The following ZPBP variants were observed in gnomAD, a reference collection of about 807,000 sequenced individuals.
ZPBP encodes the protein zona pellucida-binding protein 1.
ZPBP carries 26 observed loss-of-function variants against 44.8 expected under a neutral mutation model. That is an observed-to-expected ratio of 0.58 (90% CI 0.43 to 0.81). The LOEUF is 0.81. Among genes scored for constraint, ZPBP ranks in the 30% least tolerant of loss-of-function variants. ZPBP has a pLI of 0.00. For synonymous variants in ZPBP, 174 were observed against 153.2 expected (o/e 1.14, Z -1.00); for missense variants, 409 against 434.0 (o/e 0.94, Z 0.51).
intron 7 of ZPBP, among the ~76,000 whole-genome samples, chr7:49,964,023 A>G (rs2128766123): frequency 6.6e-6 from 1 of 152,050 alleles, no homozygotes; most frequent in East Asian, 1.9e-4. Context: ...GGTTCAATGC[A>G]TATTTTAACA....
chr7:49,847,736 T>C (rs1006019544), downstream of ZPBP, among the ~76,000 whole-genome samples: 1 of 152,132 alleles, frequency 6.6e-6, no homozygotes, highest in African/African-American at 2.4e-5. Context: ...GATTGGCTAC[T>C]TGGAGTGATT....
intron 2 of ZPBP, among the ~76,000 whole-genome samples, chr7:49,850,732 T>A (rs1790142983): frequency 6.6e-6 from 1 of 152,254 alleles, no homozygotes; most frequent in African/African-American, 2.4e-5. Flanking sequence ...ATATCTCACC[T>A]GTGTGACTTT....
chr7:49,980,108 A>C (rs1279810456), intron 7 of ZPBP, among the ~76,000 whole-genome samples: 1 of 72,228 alleles, frequency 1.4e-5, no homozygotes, highest in African/African-American at 5.9e-5. Context: ...ATATAATTAT[A>C]ATATAATTTT....
chr7:49,917,950 A>T (rs917009429), intron 1 of ZPBP: 2 of 152,156 alleles, frequency 1.3e-5, no homozygotes, highest in African/African-American at 4.8e-5. Context: ...TTTCCTAAGC[A>T]TATAATTCTT....
chr7:49,845,661 G>A (rs1474017594), downstream of ZPBP, among the ~76,000 whole-genome samples: 3 of 151,190 alleles, frequency 2.0e-5, no homozygotes, highest in Admixed American at 6.6e-5. Context: ...ACCAACCTTC[G>A]GTGATACTTC....
At chr7:49,930,525 T>A (rs1794410138) in intron 1 of ZPBP, among the ~76,000 whole-genome samples, 1 of 151,888 alleles carries the variant, frequency 6.6e-6, no homozygotes, top group African/African-American at 2.4e-5. Context: ...ACAAAAAAAA[T>A]GAAAATTAAT....
intron 7 of ZPBP, among the ~76,000 whole-genome samples, chr7:49,947,615 G>C (rs763717660): frequency 3.9e-5 from 6 of 152,172 alleles, no homozygotes; most frequent in Non-Finnish European, 8.8e-5. Context: ...GGTGAATCAG[G>C]CACCCTGTGG....
chr7:49,899,455 T>C (rs1380309690), intron 2 of ZPBP, among the ~76,000 whole-genome samples: 3 of 152,046 alleles, frequency 2.0e-5, no homozygotes, highest in African/African-American at 7.2e-5. Context: ...GACTACTATA[T>C]AGCTTCAAAG....
At chr7:49,841,353 A>C in the ZPBP span, among the ~76,000 whole-genome samples, 1 of 152,110 alleles carries the variant, frequency 6.6e-6, no homozygotes, top group Non-Finnish European at 1.5e-5. Flanking sequence ...AAAAAGCAGT[A>C]AACAGAACAG....
At chr7:50,060,438 G>C (rs553216883) in intron 3 of ZPBP, among the ~76,000 whole-genome samples, 1 of 152,222 alleles carries the variant, frequency 6.6e-6, no homozygotes, top group Admixed American at 6.5e-5. Flanking sequence ...GCAAAAAAAA[G>C]AGAGGATCCA....
intron 7 of ZPBP, among the ~76,000 whole-genome samples, chr7:49,946,670 G>C (rs963909046): frequency 3.3e-5 from 5 of 151,992 alleles, no homozygotes; most frequent in African/African-American, 1.2e-4. Context: ...AATGTCTTGA[G>C]GTAGTCTCAC....
intron 5 of ZPBP, among the ~76,000 whole-genome samples, chr7:50,020,733 G>A (rs144027413): frequency 0.013 from 2,015 of 151,934 alleles, 37 homozygotes; most frequent in African/African-American, 0.046. Flanking sequence ...TTTTTCCATA[G>A]AAACATGGAA....
At chr7:50,049,071 T>C (rs918740794) in intron 4 of ZPBP, among the ~76,000 whole-genome samples, 1 of 151,922 alleles carries the variant, frequency 6.6e-6, no homozygotes, top group Non-Finnish European at 1.5e-5. Context: ...ATTAGACACA[T>C]TTAGATAAAA....
chr7:49,943,104 C>T, intron 7 of ZPBP: 1 of 346,950 alleles, frequency 2.9e-6, no homozygotes, highest in South Asian at 2.7e-5. Context: ...GAGGACTATC[C>T]ACCCACAGTC....
chr7:49,906,845 G>A (rs779359564), intron 1 of ZPBP, among the ~76,000 whole-genome samples: 53 of 152,166 alleles, frequency 3.5e-4, no homozygotes, highest in Non-Finnish European at 6.8e-4. Flanking sequence ...TGATGTTTTC[G>A]TTGGTTTTTG....
intron 3 of ZPBP, among the ~76,000 whole-genome samples, chr7:50,075,051 A>C (rs1268560615): frequency 6.6e-6 from 1 of 151,992 alleles, no homozygotes; most frequent in Non-Finnish European, 1.5e-5. Context: ...CTTTTTAAAA[A>C]CTGAAATAAT....
At chr7:49,928,729 C>T (rs1794341798) in intron 1 of ZPBP, among the ~76,000 whole-genome samples, 1 of 152,156 alleles carries the variant, frequency 6.6e-6, no homozygotes, top group African/African-American at 2.4e-5. Context: ...ACCAGTACAC[C>T]ATTCCCAGTG....
downstream of ZPBP, among the ~76,000 whole-genome samples, chr7:49,936,987 T>C (rs148985695): frequency 1.3e-5 from 2 of 152,322 alleles, no homozygotes; most frequent in East Asian, 1.9e-4. Flanking sequence ...AAGTTTAAGA[T>C]AGTCACACTG....
intron 6 of ZPBP, among the ~76,000 whole-genome samples, chr7:50,009,277 A>C (rs1423862409): frequency 6.7e-6 from 1 of 149,540 alleles, no homozygotes; most frequent in Admixed American, 6.7e-5. Context: ...TATGTTTTGT[A>C]AATTCTTAAA....
Sources: allele counts gnomAD v4.1 joint callset (sites outside exome capture counted in the v4.1 genomes callset), GRCh38; gene constraint gnomAD v4.1.1; transcripts MANE v1.5; gene names NCBI Gene and HGNC (gene_info 2026-07-23, HGNC 2026-07-21).